Variants in DPP4 observed in about 807,000 individuals in gnomAD.
DPP4 encodes the protein ADCP-2.
A neutral mutation model predicts 122.4 loss-of-function variants in DPP4; 93 were observed. That is an observed-to-expected ratio of 0.76 (90% CI 0.64 to 0.90). The LOEUF is 0.90. DPP4 is among the 40% of genes least tolerant of loss of function. The probability of loss-of-function intolerance (pLI) is 0.00; values close to 1 mark genes in which losing one functional copy is unlikely to be tolerated. For missense variants in DPP4, 914 were observed against 907.3 expected (o/e 1.01, Z -0.09); for synonymous variants, 321 against 302.9 (o/e 1.06, Z -0.62).
intron 10 of DPP4, among the ~76,000 whole-genome samples, chr2:162,025,356 G>A (rs965181577): frequency 2.0e-5 from 3 of 152,084 alleles, no homozygotes; most frequent in Non-Finnish European, 4.4e-5. Flanking sequence ...TATTTTACAT[G>A]CTTCTCCAGA....
Position 162,008,622 on chromosome 2 carries a change from C to G in DPP4, c.1927G>C (p.Gly643Arg). ...GYVTSMVLGS[G>R]SGVFKCGIAV... ...ATTCCACACTTGAACACGCCACTTC[C>G]CGATCCCAGGACCATTGAGGTTACG... Residue 643 changes from glycine to arginine, a missense_variant, in exon 22 of 26, where the codon GGA (glycine) becomes CGA (arginine). Gly to Arg is a moderately radical substitution (Grantham distance 125). Transcript: ENST00000360534. 6.2e-7 allele frequency: 1 copy of G among 1,613,674 alleles called. No homozygotes were observed. The highest frequency in any genetic ancestry group is 8.5e-7 in the Non-Finnish European group (1 of 1,179,748).
At chr2:162,017,307 G>A (rs1473601720) in intron 16 of DPP4, 152 bp from the exon 17 acceptor site, 1 of 632,262 alleles carries the variant, frequency 1.6e-6, no homozygotes, top group Non-Finnish European at 2.7e-6. Context: ...CATGTTAGCT[G>A]TTTCTCCTCC....
At chr2:162,056,882 A>G (rs1684599156) in intron 2 of DPP4, among the ~76,000 whole-genome samples, 1 of 152,184 alleles carries the variant, frequency 6.6e-6, no homozygotes, top group Admixed American at 6.5e-5. Flanking sequence ...AAGACCTAAG[A>G]CTGGTCTTTG....
chr2:162,050,675 T>C (rs1684352587), intron 2 of DPP4, among the ~76,000 whole-genome samples: 1 of 152,164 alleles, frequency 6.6e-6, no homozygotes, highest in Admixed American at 6.5e-5. Flanking sequence ...ACACAAATGT[T>C]CCTTGTTTTT....
chr2:162,074,164 G>A lies in DPP4; in HGVS notation c.-183C>T. 1.2e-5 allele frequency: 16 copies of A among 1,308,546 alleles called. No homozygotes were observed. The highest frequency in any genetic ancestry group is 1.5e-5 in the Non-Finnish European group (15 of 1,030,614). The allele number at this position is 1,308,546 out of a possible 1,614,324, so 81.1% of individuals were successfully genotyped here. On this transcript the variant is annotated 5_prime_UTR_variant, in exon 1 of 26. Coordinates refer to ENST00000360534, the MANE Select transcript of DPP4 (RefSeq NM_001935.4). ...CCCGCTGGGTATAAAGGCGCCGCGGGCAGGCTGCAGGGCAGGCGGCGCGGG... is the reference window on the plus strand; with the variant it reads ...CCCGCTGGGTATAAAGGCGCCGCGGACAGGCTGCAGGGCAGGCGGCGCGGG...
At chr2:162,016,285 A>G (rs1180057128) in intron 18 of DPP4, among the ~76,000 whole-genome samples, 1 of 152,214 alleles carries the variant, frequency 6.6e-6, no homozygotes, top group Non-Finnish European at 1.5e-5. Flanking sequence ...ATCCATGATT[A>G]CACAATCAAG....
At chr2:162,060,664 C>T (rs1357333248) in intron 2 of DPP4, among the ~76,000 whole-genome samples, 1 of 152,048 alleles carries the variant, frequency 6.6e-6, no homozygotes, top group African/African-American at 2.4e-5. Context: ...ACCATAGGAG[C>T]TTATTTTCTA....
intron 4 of DPP4, 132 bp from the exon 5 acceptor site, chr2:162,045,744 G>A (rs1400734262): frequency 1.1e-5 from 7 of 627,258 alleles, no homozygotes; most frequent in Non-Finnish European, 2.0e-5. Flanking sequence ...AGCAGAGGTG[G>A]CATATTCACC....
At chr2:161,994,847 T>A (rs547964821) in intron 25 of DPP4, 114 bp downstream of exon 25, 79 of 959,784 alleles carry the variant, frequency 8.2e-5, no homozygotes, top group South Asian at 1.8e-4. Flanking sequence ...GAAAAAAAAA[T>A]TTTTAATGTT....
intron 11 of DPP4, among the ~76,000 whole-genome samples, chr2:162,023,363 CTT>C (rs1683207625): frequency 6.6e-6 from 1 of 152,158 alleles, no homozygotes; most frequent in African/African-American, 2.4e-5. Context: ...TTGTGATAGT[CTT>C]TTCTTTAAAA....
Position 162,019,362 on chromosome 2 carries a change from A to T in DPP4, c.1245-86T>A, listed in dbSNP as rs1353766116. On this transcript the variant is annotated intron_variant, in intron 14 of 25. Coordinates refer to ENST00000360534, the MANE Select transcript of DPP4 (RefSeq NM_001935.4). ...CCACCGCACTCAGACCCCAAGCCTA[A>T]GTGTGCACGGAGCGCGCGCACGGGT... The T allele has an allele frequency of 1.3e-5, 12 of 955,050 alleles. No individual in the cohort carries two copies. The Admixed American group carries it at 2.9e-4, about 23-fold the overall frequency. The allele number at this position is 955,050 out of a possible 1,614,324, so 59.2% of individuals were successfully genotyped here.
In DPP4 at chr2:162,069,328, C is replaced by T. The variant is rs147145733; in HGVS notation, c.94+4071G>A. Reference sequence around the variant, plus strand: ...CATGCCTTCTCTTCCTCAAGCAAGGCGCTCCTGCATGTTATTTACAGCCAC... The same window carrying T: ...CATGCCTTCTCTTCCTCAAGCAAGGTGCTCCTGCATGTTATTTACAGCCAC... On this transcript the variant is annotated intron_variant, in intron 2 of 25. Coordinates refer to ENST00000360534, the MANE Select transcript of DPP4 (RefSeq NM_001935.4). 1.2e-4 allele frequency among the ~76,000 whole-genome samples: 19 copies of T among 152,252 alleles called. 1 individual carries two copies. In the Middle Eastern group the frequency reaches 0.014, roughly 109 times the overall value.
At chr2:162,032,713 A>C (rs1470430595) in intron 10 of DPP4, among the ~76,000 whole-genome samples, 235 of 151,752 alleles carry the variant, frequency 1.5e-3, no homozygotes, top group African/African-American at 5.5e-3. Flanking sequence ...CAACAACAAA[A>C]AAAAAAACAG....
chr2:162,045,173 T>C (rs1439640444), intron 5 of DPP4, among the ~76,000 whole-genome samples: 1 of 152,038 alleles, frequency 6.6e-6, no homozygotes, highest in Admixed American at 6.6e-5. Context: ...TTACTATACA[T>C]AAAGCTGTGA....
chr2:161,994,956 T>C lies in DPP4; in HGVS notation c.2199+5A>G, dbSNP rs1439560066. 2 of 1,614,008 alleles carry C rather than the reference T, an allele frequency of 1.2e-6. No homozygotes were observed. Among genetic ancestry groups the C allele is most frequent in the African/African-American group, 1.3e-5 (1 of 75,048 alleles). ...TCCCTCCCCTTGCACAAAGTTTTTC[T>C]ATACCATTGCCTGGAAATCCACTCC... On this transcript the variant is annotated splice_donor_5th_base_variant and intron_variant, in intron 25 of 25. Transcript: ENST00000360534.
chr2:162,011,371 C>T (rs1053525657), intron 20 of DPP4, among the ~76,000 whole-genome samples: 15 of 152,150 alleles, frequency 9.9e-5, no homozygotes, highest in Non-Finnish European at 1.6e-4. Context: ...AGAGTTGTCA[C>T]TGCCTATGAC....
At position 162,033,745 on chromosome 2, in the gene DPP4, T is replaced by G. The variant is rs1683654227; in HGVS notation, c.775-92A>C. 13 of 752,588 alleles carry G rather than the reference T, an allele frequency of 1.7e-5. No individual in the cohort carries two copies. In the South Asian group the frequency reaches 2.4e-4, roughly 14 times the overall value. 46.6% of individuals were successfully genotyped at this position (752,588 alleles called of 1,614,324 possible). On this transcript the variant is annotated intron_variant, in intron 9 of 25. Transcript: ENST00000360534. Reference sequence around the variant, plus strand: ...TAAAACTGCACAAAAACGTCTGCATTATGGTCATAAAATTATCACAATCAG... The same window carrying G: ...TAAAACTGCACAAAAACGTCTGCATGATGGTCATAAAATTATCACAATCAG...
Position 162,045,595 on chromosome 2 carries a change from A to C in DPP4, c.303T>G (p.Ser101=), listed in dbSNP as rs764829120. 4.3e-6 allele frequency: 7 copies of C among 1,612,374 alleles called. No homozygotes were observed. In the East Asian group the frequency reaches 1.6e-4, roughly 36 times the overall value. Residue 101 remains serine, a synonymous_variant, in exon 5 of 26, where the codon TCT becomes TCG. Coordinates refer to ENST00000360534, the MANE Select transcript of DPP4 (RefSeq NM_001935.4). The stretch of plus-strand genomic sequence containing the variant: ...CAGGAGATATTGAATAATCATTGAT[A>C]GAATGTCCAAACTCATCCTGTCAAA... ...ENSTFDEFGH[S]INDYSISPDG...
intron 1 of DPP4, 100 bp downstream of exon 1, chr2:162,073,876 G>T (rs1191542372): frequency 1.3e-6 from 2 of 1,510,652 alleles, no homozygotes; most frequent in African/African-American, 2.7e-5. Flanking sequence ...CGCCTAAGGG[G>T]AGTCCCTGGT....
Sources: allele counts gnomAD v4.1 joint callset (sites outside exome capture counted in the v4.1 genomes callset), GRCh38; gene constraint gnomAD v4.1.1; transcripts MANE v1.5; gene names NCBI Gene and HGNC (gene_info 2026-07-23, HGNC 2026-07-21).